ADCY5: variants seen among roughly 807,000 people sequenced by gnomAD.
ADCY5 encodes adenylate cyclase 5, also known as adenylate cyclase type 5.
In ADCY5, 30 loss-of-function variants were observed where a neutral mutation model predicts 119.7. That is an observed-to-expected ratio of 0.25 (90% CI 0.19 to 0.34). The LOEUF (loss-of-function observed/expected upper bound fraction) is 0.34. Ranked by LOEUF, ADCY5 falls within the 10% of genes least tolerant of loss-of-function variation. The probability of loss-of-function intolerance (pLI) is 1.00; values close to 1 mark genes in which losing one functional copy is unlikely to be tolerated. For synonymous variants in ADCY5, 753 were observed against 762.2 expected (o/e 0.99, Z 0.20); for missense variants, 1,324 against 1,775.2 (o/e 0.75, Z 4.57).
intron 1 of ADCY5, among the ~76,000 whole-genome samples, chr3:123,386,059 C>A (rs1576651112): frequency 6.6e-6 from 1 of 152,316 alleles, no homozygotes; most frequent in Non-Finnish European, 1.5e-5. Context: ...AGAGCCCAAG[C>A]AGGCCCATGG....
Position 123,373,690 on chromosome 3 carries a change from C to A in ADCY5, c.1135-21109G>T, listed in dbSNP as rs117755157. 2.7e-5 allele frequency among the ~76,000 whole-genome samples: 4 copies of A among 150,512 alleles called. No individual in the cohort carries two copies. The Admixed American group carries it at 2.7e-4, about 10-fold the overall frequency. Reference sequence around the variant, plus strand: ...AAGCCCTCTGCCAGCACTCACGAGGCTGGGCCCGGCTTTCATCACCGACAC... The same window carrying A: ...AAGCCCTCTGCCAGCACTCACGAGGATGGGCCCGGCTTTCATCACCGACAC... On this transcript the variant is annotated intron_variant, in intron 1 of 20. Transcript: ENST00000462833.
Position 123,317,352 on chromosome 3 carries a change from A to G in ADCY5, c.2354+668T>C, listed in dbSNP as rs112270312. ...GAAGATTTTTTTTTTTTTTTCAAGA[A>G]CTAACAGAAAGCAGCCCAGGGAATA... On this transcript the variant is annotated intron_variant, in intron 11 of 20. Coordinates refer to ENST00000462833, the MANE Select transcript of ADCY5 (RefSeq NM_183357.3). Among the ~76,000 whole-genome samples the G allele has an allele frequency of 8.2e-3, 1,235 of 151,260 alleles. 15 individuals are homozygous for G. The highest frequency in any genetic ancestry group is 0.028 in the African/African-American group (1,148 of 41,212).
Position 123,296,161 on chromosome 3 carries a change from C to A in ADCY5, c.2986G>T (p.Val996Phe). ...TGCAGGTACAGGGCCAGCACAAAGA[C>A]TGAGATGATGATGGGCGTCACCACC... ...LKVVTPIIIS[V>F]FVLALYLHAQ... Residue 996 changes from valine to phenylalanine, a missense_variant, in exon 17 of 21, where the codon GTC becomes TTC. Coordinates refer to ENST00000462833, the MANE Select transcript of ADCY5 (RefSeq NM_183357.3). 6.2e-7 allele frequency: 1 copy of A among 1,614,026 alleles called. No homozygotes were observed. Among genetic ancestry groups the A allele is most frequent in the Non-Finnish European group, 8.5e-7 (1 of 1,179,992 alleles).
At chr3:123,398,829 T>C (rs1017915971) in intron 1 of ADCY5, among the ~76,000 whole-genome samples, 6 of 152,224 alleles carry the variant, frequency 3.9e-5, no homozygotes, top group African/African-American at 1.4e-4. Flanking sequence ...CTATAACTAT[T>C]TGTACCTACC....
intron 3 of ADCY5, among the ~76,000 whole-genome samples, chr3:123,345,280 G>C (rs988772097): frequency 1.3e-5 from 2 of 152,232 alleles, no homozygotes; most frequent in Non-Finnish European, 1.5e-5. Flanking sequence ...GCAAGAACTG[G>C]GCCGAGGCGC....
intron 1 of ADCY5, among the ~76,000 whole-genome samples, chr3:123,426,089 C>T (rs1010842953): frequency 4.6e-5 from 7 of 152,140 alleles, no homozygotes; most frequent in African/African-American, 1.4e-4. Context: ...CTTATATCAT[C>T]ACAGGTAATG....
intron 1 of ADCY5, chr3:123,367,829 T>G: frequency 6.6e-7 from 1 of 1,513,214 alleles, no homozygotes; most frequent in Non-Finnish European, 8.8e-7. Flanking sequence ...TGGGGCTCAT[T>G]TTAGGTCAGC....
chr3:123,317,862 C>T (rs536401459), intron 11 of ADCY5, among the ~76,000 whole-genome samples, 158 bp downstream of exon 11: 1 of 152,178 alleles, frequency 6.6e-6, no homozygotes, highest in Admixed American at 6.5e-5. Flanking sequence ...AGACCCCTGG[C>T]TTCCTACCCC....
chr3:123,353,354 G>A (rs571055000), intron 1 of ADCY5, among the ~76,000 whole-genome samples: 7 of 152,292 alleles, frequency 4.6e-5, no homozygotes, highest in South Asian at 2.1e-4. Context: ...AACACGACAC[G>A]GAAAGCAAGG....
chr3:123,328,476 AGAG>A (rs1230026851), intron 6 of ADCY5, among the ~76,000 whole-genome samples, 165 bp downstream of exon 6: 1 of 152,212 alleles, frequency 6.6e-6, no homozygotes, highest in East Asian at 1.9e-4. Flanking sequence ...TTTGGCAAGT[AGAG>A]GAATTTCTAC....
chr3:123,351,468 C>T (rs1007814670), intron 2 of ADCY5, among the ~76,000 whole-genome samples: 5 of 152,174 alleles, frequency 3.3e-5, no homozygotes, highest in Admixed American at 2.6e-4. Flanking sequence ...ACGCAGCATG[C>T]GGCACTTAGA....
At chr3:123,346,003 ACCTCTGTG>A (rs1942533307) in intron 3 of ADCY5, among the ~76,000 whole-genome samples, 1 of 152,120 alleles carries the variant, frequency 6.6e-6, no homozygotes, top group East Asian at 1.9e-4. Flanking sequence ...AAGTTACTTC[ACCTCTGTG>A]CCTCAGTTTT....
chr3:123,441,263 G>A (rs778280463), intron 1 of ADCY5, among the ~76,000 whole-genome samples: 32 of 152,294 alleles, frequency 2.1e-4, no homozygotes, highest in Admixed American at 7.8e-4. Context: ...TTCCCAGTGC[G>A]GCCTGTGAAT....
chr3:123,288,956 A>C (rs1180412457), intron 19 of ADCY5, among the ~76,000 whole-genome samples: 1 of 152,048 alleles, frequency 6.6e-6, no homozygotes, highest in Non-Finnish European at 1.5e-5. Flanking sequence ...CCTCCTCACC[A>C]TTTCTTTCCC....
chr3:123,293,839 G>A (rs927732480), intron 17 of ADCY5, among the ~76,000 whole-genome samples: 2 of 152,208 alleles, frequency 1.3e-5, no homozygotes, highest in South Asian at 2.1e-4. Flanking sequence ...TACAAGCAGC[G>A]AGCACACCAA....
intron 1 of ADCY5, among the ~76,000 whole-genome samples, chr3:123,353,236 T>C (rs1160004934): frequency 6.6e-6 from 1 of 152,194 alleles, no homozygotes; most frequent in Non-Finnish European, 1.5e-5. Flanking sequence ...ACAACTGAGA[T>C]GTGTGTGTGG....
chr3:123,321,148 G>A (rs1412898587), intron 8 of ADCY5, among the ~76,000 whole-genome samples: 2 of 152,088 alleles, frequency 1.3e-5, no homozygotes, highest in African/African-American at 2.4e-5. Context: ...GATGGAAATC[G>A]GGAATTGCTG....
intron 1 of ADCY5, among the ~76,000 whole-genome samples, chr3:123,392,153 A>G (rs1944416805): frequency 6.6e-6 from 1 of 152,260 alleles, no homozygotes; most frequent in Non-Finnish European, 1.5e-5. Flanking sequence ...CAAGTTACAC[A>G]ACAGTATAGC....
At chr3:123,415,951 T>C (rs764307226) in intron 1 of ADCY5, among the ~76,000 whole-genome samples, 3 of 152,208 alleles carry the variant, frequency 2.0e-5, no homozygotes, top group Non-Finnish European at 4.4e-5. Flanking sequence ...GTGAAATCAA[T>C]GCGGCAAAAT....
Sources: gnomAD v4.1 joint callset for allele counts (sites outside exome capture counted in the v4.1 genomes callset) on GRCh38, gnomAD v4.1.1 for gene constraint, MANE v1.5 for transcripts, NCBI Gene and HGNC (gene_info 2026-07-23, HGNC 2026-07-21) for gene names.